The following PLEKHA1 variants were observed in gnomAD, a reference collection of about 807,000 sequenced individuals.
The protein encoded by PLEKHA1 is pleckstrin homology domain containing A1.
Under a neutral mutation model 52.0 loss-of-function variants are expected in PLEKHA1, and 34 were observed. The observed-to-expected ratio is 0.65, with a 90% CI of 0.50 to 0.87. PLEKHA1 has a LOEUF of 0.87. Ranked by LOEUF, PLEKHA1 falls within the 40% of genes least tolerant of loss-of-function variation. The pLI is 0.00. For missense variants in PLEKHA1, 497 were observed against 504.2 expected (o/e 0.99, Z 0.14); for synonymous variants, 163 against 170.7 (o/e 0.95, Z 0.35).
chr10:122,439,235 A>G, the PLEKHA1 span: 2 of 152,214 alleles, frequency 1.3e-5, no homozygotes, highest in African/African-American at 4.8e-5. Flanking sequence ...CATTTGGTCA[A>G]GATATGTTAT....
downstream of PLEKHA1, chr10:122,434,671 A>C: frequency 6.8e-6 from 1 of 147,204 alleles, no homozygotes; most frequent in Non-Finnish European, 1.5e-5. Flanking sequence ...GCACCCATTA[A>C]CTCGTCATTT....
At chr10:122,376,501 GATATATATATAT>G (rs56781870) in intron 1 of PLEKHA1, among the ~76,000 whole-genome samples, 293 of 146,814 alleles carry the variant, frequency 2.0e-3, no homozygotes, top group East Asian at 9.2e-3. Context: ...ACATTAAGAA[GATATATATATAT>G]ATATATATAT....
intron 8 of PLEKHA1, 25 bp from the exon 9 acceptor site, chr10:122,424,174 T>C (rs1215498706): frequency 4.9e-6 from 5 of 1,011,460 alleles, no homozygotes; most frequent in Non-Finnish European, 6.5e-6. Flanking sequence ...TGTAACTGTT[T>C]TTTTTTTTTT....
At chr10:122,427,067 C>T (rs757211980) in intron 11 of PLEKHA1, 36 bp downstream of exon 11, 25 of 1,545,800 alleles carry the variant, frequency 1.6e-5, no homozygotes, top group South Asian at 6.7e-5. Context: ...TACTCCCTTG[C>T]GTCTCCCCCA....
chr10:122,435,494 A>G (rs1168857575), downstream of PLEKHA1: 1 of 152,216 alleles, frequency 6.6e-6, no homozygotes, highest in Non-Finnish European at 1.5e-5. Flanking sequence ...CCTCCATCGT[A>G]GAAAATTAGA....
intron 8 of PLEKHA1, chr10:122,423,532 A>G (rs975421604): frequency 2.0e-5 from 3 of 152,150 alleles, no homozygotes; most frequent in Non-Finnish European, 4.4e-5. Flanking sequence ...GTCATATTCA[A>G]TGAAATATGT....
chr10:122,418,176 G>A (rs926603122), intron 8 of PLEKHA1: 7 of 421,694 alleles, frequency 1.7e-5, no homozygotes, highest in Non-Finnish European at 2.5e-5. Context: ...CTTCAAAGCA[G>A]CATTCCACCT....
chr10:122,415,188 G>GA (rs1565270361), intron 6 of PLEKHA1, among the ~76,000 whole-genome samples: 1 of 152,106 alleles, frequency 6.6e-6, no homozygotes, highest in African/African-American at 2.4e-5. Context: ...TATGCTGAGT[G>GA]AAAAAAGATA....
intron 1 of PLEKHA1, among the ~76,000 whole-genome samples, chr10:122,375,487 C>T (rs536009341): frequency 8.1e-4 from 121 of 149,494 alleles, no homozygotes; most frequent in Non-Finnish European, 1.3e-3. Flanking sequence ...GGGGAGGCGA[C>T]CAGACCCAGG....
At chr10:122,424,373 T>A in intron 9 of PLEKHA1, 110 bp downstream of exon 9, 2 of 1,214,292 alleles carry the variant, frequency 1.6e-6, no homozygotes. Context: ...ATTGTAGTTA[T>A]TTTTAACTCT....
Position 122,415,952 on chromosome 10 carries a change from C to A in PLEKHA1, c.562C>A (p.Gln188Lys). The A allele has an allele frequency of 2.5e-6, 4 of 1,613,584 alleles. No individual in the cohort carries two copies. The highest frequency in any genetic ancestry group is 3.4e-6 in the Non-Finnish European group (4 of 1,179,722). The change falls in exon 7 of 12, where the codon CAA becomes AAA. Residue 188 changes from glutamine to lysine, a missense_variant. Physicochemically the swap from Gln to Lys is moderately conservative, Grantham distance 53 (BLOSUM62 1). Transcript: ENST00000368990. ...TCCTTACTTTACTCCTAAACCACCT[C>A]AAGATAGTGCGGTTATCAAAGCTGG... ...HLPYFTPKPP[Q>K]DSAVIKAGYC...
At chr10:122,408,738 T>C (rs1428741826) in intron 5 of PLEKHA1, among the ~76,000 whole-genome samples, 4 of 152,204 alleles carry the variant, frequency 2.6e-5, no homozygotes, top group Non-Finnish European at 5.9e-5. Context: ...ACCAGTTTCA[T>C]GTGCATTTTA....
intron 1 of PLEKHA1, among the ~76,000 whole-genome samples, chr10:122,390,012 G>A (rs1285918714): frequency 6.6e-6 from 1 of 152,154 alleles, no homozygotes; most frequent in Non-Finnish European, 1.5e-5. Flanking sequence ...TCTCTTTACT[G>A]TACCCACCTC....
intron 9 of PLEKHA1, among the ~76,000 whole-genome samples, chr10:122,424,580 T>C (rs1042994610): frequency 1.3e-5 from 2 of 152,288 alleles, no homozygotes; most frequent in African/African-American, 2.4e-5. Context: ...ATTTGACAAA[T>C]TGATGTATTA....
intron 1 of PLEKHA1, among the ~76,000 whole-genome samples, chr10:122,375,684 G>A (rs1402723489): frequency 6.6e-6 from 1 of 152,210 alleles, no homozygotes; most frequent in African/African-American, 2.4e-5. Context: ...GTGCCCCCGC[G>A]CAGAGCATCT....
At chr10:122,414,601 T>G (rs2097148880) in intron 6 of PLEKHA1, among the ~76,000 whole-genome samples, 10 of 151,770 alleles carry the variant, frequency 6.6e-5, no homozygotes, top group Admixed American at 5.9e-4. Context: ...AACCCAACAG[T>G]AAAAAGCCCA....
chr10:122,424,041 A>T, intron 8 of PLEKHA1, 158 bp from the exon 9 acceptor site: 1 of 953,546 alleles, frequency 1.0e-6, no homozygotes, highest in South Asian at 1.8e-5. Context: ...AGCTATTCAG[A>T]TGCTGGATGG....
chr10:122,378,533 T>C (rs1445965955), intron 1 of PLEKHA1, among the ~76,000 whole-genome samples: 3 of 152,012 alleles, frequency 2.0e-5, no homozygotes, highest in Non-Finnish European at 4.4e-5. Flanking sequence ...CCCAGGAGTT[T>C]GAGACCAGCC....
At chr10:122,389,807 A>G (rs1031900860) in intron 1 of PLEKHA1, among the ~76,000 whole-genome samples, 1 of 152,192 alleles carries the variant, frequency 6.6e-6, no homozygotes, top group Admixed American at 6.5e-5. Context: ...TAGACTTTGC[A>G]TAATTCTTGA....
Sources: allele counts gnomAD v4.1 joint callset (sites outside exome capture counted in the v4.1 genomes callset), GRCh38; gene constraint gnomAD v4.1.1; transcripts MANE v1.5; gene names NCBI Gene and HGNC (gene_info 2026-07-23, HGNC 2026-07-21).